DGKB: variants seen among roughly 807,000 people sequenced by gnomAD.
DGKB encodes diacylglycerol kinase beta, also known as 90 kDa diacylglycerol kinase.
In DGKB, 67 loss-of-function variants were observed where a neutral mutation model predicts 114.3. The ratio of observed to expected loss-of-function variants is 0.59; its 90% CI spans 0.48 to 0.72. DGKB has a LOEUF of 0.72. DGKB is among the 30% of genes least tolerant of loss of function. DGKB has a pLI of 0.00. For missense variants in DGKB, 907 were observed against 975.2 expected (o/e 0.93, Z 0.93); for synonymous variants, 398 against 323.1 (o/e 1.23, Z -2.49).
At chr7:14,446,104 A>G (rs375478383) in intron 21 of DGKB, among the ~76,000 whole-genome samples, 3 of 152,060 alleles carry the variant, frequency 2.0e-5, no homozygotes, top group East Asian at 3.9e-4. Context: ...ACTTCTTGCA[A>G]TCTCTTGTTT....
At chr7:14,173,046 T>C (rs944510166) in intron 25 of DGKB, among the ~76,000 whole-genome samples, 5 of 152,290 alleles carry the variant, frequency 3.3e-5, no homozygotes, top group African/African-American at 1.2e-4. Flanking sequence ...TAATATTGTC[T>C]TTAGTTTGAT....
chr7:14,406,449 A>G (rs1560575), intron 21 of DGKB, among the ~76,000 whole-genome samples: 1 of 151,492 alleles, frequency 6.6e-6, no homozygotes, highest in East Asian at 1.9e-4. Context: ...TGACCCTGAT[A>G]TAAAGAAATG....
chr7:14,621,553 T>A, intron 14 of DGKB, 59 bp from the exon 15 acceptor site: 1 of 1,070,528 alleles, frequency 9.3e-7, no homozygotes, highest in Non-Finnish European at 1.4e-6. Flanking sequence ...AATAAAATGT[T>A]AAGTTGTTTT....
intron 23 of DGKB, among the ~76,000 whole-genome samples, chr7:14,198,997 A>G (rs1001148727): frequency 6.6e-6 from 1 of 152,078 alleles, no homozygotes; most frequent in African/African-American, 2.4e-5. Context: ...TGATTTAGCT[A>G]AAGGGCAACT....
At chr7:14,538,491 T>C (rs1422831780) in intron 20 of DGKB, among the ~76,000 whole-genome samples, 1 of 152,080 alleles carries the variant, frequency 6.6e-6, no homozygotes, top group Non-Finnish European at 1.5e-5. Context: ...ATAATAACTG[T>C]TGGTAAAGTT....
chr7:14,624,081 A>T (rs1262910914), intron 14 of DGKB, among the ~76,000 whole-genome samples: 1 of 152,190 alleles, frequency 6.6e-6, no homozygotes, highest in Non-Finnish European at 1.5e-5. Context: ...TTGGGTACTC[A>T]TCAACATTGT....
At chr7:14,157,290 A>T (rs547834460) in intron 25 of DGKB, among the ~76,000 whole-genome samples, 1 of 152,288 alleles carries the variant, frequency 6.6e-6, no homozygotes, top group East Asian at 1.9e-4. Context: ...CAGCGGGAAT[A>T]AAGTACATGC....
chr7:14,765,639 T>C (rs575972019), intron 2 of DGKB, among the ~76,000 whole-genome samples: 1 of 152,108 alleles, frequency 6.6e-6, no homozygotes, highest in South Asian at 2.1e-4. Context: ...AAATATCTGC[T>C]AATTTAGCCA....
chr7:14,413,742 T>A (rs112816564), intron 21 of DGKB, among the ~76,000 whole-genome samples: 1 of 152,122 alleles, frequency 6.6e-6, no homozygotes, highest in Non-Finnish European at 1.5e-5. Context: ...ATGGAAGTCA[T>A]TGGCACCCAG....
intron 20 of DGKB, among the ~76,000 whole-genome samples, chr7:14,506,162 A>G (rs1226128370): frequency 2.6e-5 from 4 of 152,186 alleles, no homozygotes; most frequent in Non-Finnish European, 5.9e-5. Context: ...CTTCCTGGTA[A>G]CTCAGAATAA....
chr7:14,852,950 G>A (rs904615522), intron 1 of DGKB, among the ~76,000 whole-genome samples: 1 of 152,102 alleles, frequency 6.6e-6, no homozygotes, highest in African/African-American at 2.4e-5. Context: ...AGGAATTCAT[G>A]TGCTAACCAA....
intron 21 of DGKB, among the ~76,000 whole-genome samples, chr7:14,442,967 C>CA (rs1830269521): frequency 6.6e-6 from 1 of 151,992 alleles, no homozygotes; most frequent in Admixed American, 6.6e-5. Context: ...ACCTTTCATG[C>CA]AAAAATGTGG....
At chr7:14,416,685 C>T (rs1214874698) in intron 21 of DGKB, among the ~76,000 whole-genome samples, 1 of 152,078 alleles carries the variant, frequency 6.6e-6, no homozygotes, top group Non-Finnish European at 1.5e-5. Flanking sequence ...TTGTGTGCTG[C>T]CACGTAAGGC....
rs1032852520 is a variant in DGKB, at chr7:14,849,572, T to C, written c.-187-8122A>G. On this transcript the variant is annotated intron_variant, in intron 1 of 25. Transcript: ENST00000402815. ...TACTGTTATAAAATAAATTTCTCTTTATTATAAATTACCCAGTATCAGTAA... is the reference window on the plus strand; with the variant it reads ...TACTGTTATAAAATAAATTTCTCTTCATTATAAATTACCCAGTATCAGTAA... 2.0e-5 allele frequency among the ~76,000 whole-genome samples: 3 copies of C among 152,156 alleles called. No individual in the cohort carries two copies. In the South Asian group the frequency reaches 6.2e-4, roughly 32 times the overall value.
At chr7:14,708,781 G>T (rs1187942693) in intron 6 of DGKB, among the ~76,000 whole-genome samples, 59 of 149,914 alleles carry the variant, frequency 3.9e-4, no homozygotes, top group African/African-American at 1.4e-3. Flanking sequence ...GCTGAAACTG[G>T]ATCCCTTCCT....
At chr7:14,607,297 T>A (rs763874116) in intron 17 of DGKB, 137 bp downstream of exon 17, 4 of 577,122 alleles carry the variant, frequency 6.9e-6, no homozygotes, top group Non-Finnish European at 1.2e-5. Flanking sequence ...TCATTTCTCT[T>A]ACGTAGTTGA....
intron 8 of DGKB, among the ~76,000 whole-genome samples, chr7:14,695,125 A>G (rs1396077313): frequency 3.3e-5 from 5 of 152,208 alleles, no homozygotes; most frequent in Non-Finnish European, 7.3e-5. Flanking sequence ...TGTTGGTAGA[A>G]GTATTGTCTG....
At chr7:14,362,118 C>A (rs1157767861) in intron 21 of DGKB, among the ~76,000 whole-genome samples, 2 of 151,998 alleles carry the variant, frequency 1.3e-5, no homozygotes, top group African/African-American at 2.4e-5. Context: ...AAATATATTA[C>A]TGTCGTTTTG....
chr7:14,845,242 C>G (rs1440298101), intron 1 of DGKB, among the ~76,000 whole-genome samples: 1 of 151,602 alleles, frequency 6.6e-6, no homozygotes, highest in African/African-American at 2.4e-5. Flanking sequence ...TACAGGAATG[C>G]TAACCATGTA....
Sources: allele counts gnomAD v4.1 joint callset (sites outside exome capture counted in the v4.1 genomes callset), GRCh38; gene constraint gnomAD v4.1.1; transcripts MANE v1.5; gene names NCBI Gene and HGNC (gene_info 2026-07-23, HGNC 2026-07-21).